Variants in MAPT observed in about 807,000 individuals in gnomAD.
MAPT encodes the protein microtubule associated protein tau.
In MAPT, 34 loss-of-function variants were observed where a neutral mutation model predicts 67.9. That is an observed-to-expected ratio of 0.50 (90% CI 0.38 to 0.67). MAPT has a LOEUF of 0.67. Among genes scored for constraint, MAPT ranks in the 30% least tolerant of loss-of-function variants. MAPT has a pLI of 0.00. For synonymous variants in MAPT, 456 were observed against 464.5 expected (o/e 0.98, Z 0.23); for missense variants, 881 against 1,115.2 (o/e 0.79, Z 2.99).
At chr17:45,923,487 G>C (rs2065958412) in intron 1 of MAPT, among the ~76,000 whole-genome samples, 1 of 152,218 alleles carries the variant, frequency 6.6e-6, no homozygotes, top group African/African-American at 2.4e-5. Flanking sequence ...GGAATGCCCG[G>C]AGCCATCCAG....
At chr17:46,000,534 A>T (rs2074913078) in intron 9 of MAPT, among the ~76,000 whole-genome samples, 2 of 152,084 alleles carry the variant, frequency 1.3e-5, no homozygotes, top group South Asian at 4.1e-4. Flanking sequence ...TTCCCTCCAG[A>T]CTGTAAAAGG....
chr17:45,903,866 ATAT>A (rs1261692394), intron 1 of MAPT, among the ~76,000 whole-genome samples: 5,880 of 56,336 alleles, frequency 0.1, 819 homozygotes, highest in Non-Finnish European at 0.12. Flanking sequence ...TATATATATT[ATAT>A]ATTATATATT....
At chr17:45,899,898 A>G (rs956604289) in intron 1 of MAPT, among the ~76,000 whole-genome samples, 8 of 152,200 alleles carry the variant, frequency 5.3e-5, no homozygotes, top group African/African-American at 1.7e-4. Context: ...CTGCTCTGCC[A>G]TATGACGGGG....
In MAPT at chr17:45,897,681, C is replaced by T. The variant is rs2063350547; in HGVS notation, c.-18+2995C>T. 1 of 152,166 alleles carries T rather than the reference C, an allele frequency of 6.6e-6. No individual in the cohort carries two copies. The highest frequency in any genetic ancestry group is 2.1e-4 in the South Asian group (1 of 4,822). 9.4% of individuals were successfully genotyped at this position (152,166 alleles called of 1,614,324 possible). A position where few individuals can be genotyped will look rare whatever the true frequency, so the allele number is the denominator to read the frequency against. ...AGCTCTTACATTCCGAGCGAGTGAC[C>T]CCTCTCACCCTCTGGCGCTCACACA... On this transcript the variant is annotated intron_variant, in intron 1 of 12. Transcript: ENST00000262410. The surrounding 1 kb of genome is among the most constrained non-coding windows in gnomAD (Gnocchi z 5.0).
chr17:45,945,176 A>G (rs2068358439), intron 1 of MAPT, among the ~76,000 whole-genome samples: 1 of 152,198 alleles, frequency 6.6e-6, no homozygotes, highest in African/African-American at 2.4e-5. Flanking sequence ...TGCAGATGCA[A>G]TGCCACAGGT....
At chr17:45,910,519 A>T (rs2064696170) in intron 1 of MAPT, among the ~76,000 whole-genome samples, 1 of 151,980 alleles carries the variant, frequency 6.6e-6, no homozygotes, top group African/African-American at 2.4e-5. Flanking sequence ...ACCCTTTATT[A>T]AACTGCCAGT....
chr17:45,965,371 A>G (rs2070950953), intron 2 of MAPT, among the ~76,000 whole-genome samples: 1 of 151,514 alleles, frequency 6.6e-6, no homozygotes, highest in African/African-American at 2.4e-5. Context: ...CAGAGGTTGC[A>G]GTGAGCCAAG....
At chr17:46,017,957 A>C (rs1019774364) in intron 11 of MAPT, among the ~76,000 whole-genome samples, 6 of 151,478 alleles carry the variant, frequency 4.0e-5, no homozygotes, top group Non-Finnish European at 8.8e-5. Context: ...CATCCTGGCT[A>C]ACACAGTGAA....
intron 11 of MAPT, among the ~76,000 whole-genome samples, chr17:46,017,090 T>A (rs1027874380): frequency 6.6e-6 from 1 of 152,216 alleles, no homozygotes; most frequent in African/African-American, 2.4e-5. Context: ...TCTGGCTCCC[T>A]TGGACACTTT....
chr17:45,916,939 G>A (rs992489908), intron 1 of MAPT, among the ~76,000 whole-genome samples: 6 of 152,190 alleles, frequency 3.9e-5, no homozygotes, highest in African/African-American at 1.4e-4. Flanking sequence ...TGGGCCACCT[G>A]GAGATGGGCC....
At chr17:45,917,746 G>A (rs1490641892) in intron 1 of MAPT, among the ~76,000 whole-genome samples, 1 of 151,638 alleles carries the variant, frequency 6.6e-6, no homozygotes, top group African/African-American at 2.4e-5. Context: ...AGTGAACTCT[G>A]TGGATCCTGG....
chr17:45,974,443 C>A, intron 3 of MAPT: 1 of 1,609,224 alleles, frequency 6.2e-7, no homozygotes, highest in Middle Eastern at 1.7e-4. Flanking sequence ...CCGCGCAGCC[C>A]CACACGGAGA....
At chr17:45,943,946 C>T (rs964010456) in intron 1 of MAPT, among the ~76,000 whole-genome samples, 1 of 152,206 alleles carries the variant, frequency 6.6e-6, no homozygotes, top group African/African-American at 2.4e-5. Context: ...TTCCTGCTGT[C>T]ACCCCACCAC....
At chr17:45,926,698 G>A (rs1568179043) in intron 1 of MAPT, among the ~76,000 whole-genome samples, 2 of 152,138 alleles carry the variant, frequency 1.3e-5, no homozygotes, top group Non-Finnish European at 2.9e-5. Context: ...AGAGTGTGTG[G>A]TGTGATGGTT....
intron 9 of MAPT, among the ~76,000 whole-genome samples, chr17:45,997,011 G>A (rs1390028693): frequency 6.6e-6 from 1 of 152,216 alleles, no homozygotes; most frequent in African/African-American, 2.4e-5. Flanking sequence ...TCATAGTCAG[G>A]GCACCCACAG....
intron 1 of MAPT, among the ~76,000 whole-genome samples, chr17:45,922,517 AC>A (rs917442116): frequency 6.7e-6 from 1 of 149,654 alleles, no homozygotes; most frequent in Non-Finnish European, 1.5e-5. Flanking sequence ...ACACACACAC[AC>A]AGAGTGGTCT....
intron 1 of MAPT, among the ~76,000 whole-genome samples, chr17:45,923,820 C>T (rs2065994339): frequency 6.6e-6 from 1 of 152,184 alleles, no homozygotes; most frequent in South Asian, 2.1e-4. Flanking sequence ...GGGTTCAAAG[C>T]GCAGCTCTGC....
Position 45,915,203 on chromosome 17 carries a change from C to CGT in MAPT, c.-18+20525_-18+20526dup, listed in dbSNP as rs757651113. ...CCCTGTCATGTTAGAGACTGGAGTG[C>CGT]GTGTGTGTGCGCGCAAAGTGTGGGG... is the stretch of plus-strand genomic sequence containing the variant. On this transcript the variant is annotated intron_variant, in intron 1 of 12. Coordinates refer to ENST00000262410, the MANE Select transcript of MAPT (RefSeq NM_001377265.1). The surrounding 1 kb of genome is among the most constrained non-coding windows in gnomAD (Gnocchi z 4.4). Among the ~76,000 whole-genome samples the CGT allele has an allele frequency of 2.0e-5, 3 of 151,704 alleles. No homozygotes were observed. Among genetic ancestry groups the CGT allele is most frequent in the Non-Finnish European group, 4.4e-5 (3 of 67,970 alleles).
intron 2 of MAPT, among the ~76,000 whole-genome samples, chr17:45,969,610 C>T (rs1371469050): frequency 1.4e-5 from 2 of 138,532 alleles, no homozygotes; most frequent in African/African-American, 5.0e-5. Flanking sequence ...ATCATCCATC[C>T]AATCATATAT....
Sources: gnomAD v4.1 joint callset for allele counts (sites outside exome capture counted in the v4.1 genomes callset) on GRCh38, gnomAD v4.1.1 for gene constraint, Gnocchi (gnomAD v3.1) non-coding constraint, MANE v1.5 for transcripts, NCBI Gene and HGNC (gene_info 2026-07-23, HGNC 2026-07-21) for gene names.